Variants in CIBAR2 observed in about 807,000 individuals in gnomAD.
The protein encoded by CIBAR2 is CBY1-interacting BAR domain-containing protein 2.
CIBAR2 carries 38 observed loss-of-function variants against 36.2 expected under a neutral mutation model. The ratio of observed to expected loss-of-function variants is 1.05; its 90% CI spans 0.81 to 1.38. The LOEUF (loss-of-function observed/expected upper bound fraction) is 1.38. Ranked by LOEUF, CIBAR2 falls within the 40% of genes most tolerant of loss-of-function variation. The pLI is 0.00. For synonymous variants in CIBAR2, 182 were observed against 149.5 expected (o/e 1.22, Z -1.58); for missense variants, 481 against 383.4 (o/e 1.25, Z -2.13).
At chr16:85,112,217 A>AC in intron 1 of CIBAR2, 116 bp downstream of exon 1, 18 of 790,972 alleles carry the variant, frequency 2.3e-5, no homozygotes, top group Admixed American at 3.9e-5. Flanking sequence ...AGCTCCCCTC[A>AC]CCCCCAACCC....
rs142569932 is a variant in CIBAR2, at chr16:85,099,481, G to A, written c.754-135C>T. The A allele has an allele frequency of 3.8e-3, 2,431 of 636,804 alleles. 7 individuals carry two copies. Among genetic ancestry groups the A allele is most frequent in the Non-Finnish European group, 5.3e-3 (1,912 of 357,500 alleles). 39.4% of individuals were successfully genotyped at this position (636,804 alleles called of 1,614,324 possible). On this transcript the variant is annotated intron_variant, in intron 8 of 8. Transcript: ENST00000539556. ...AACCCGCGGGCCCACGGGCTGGGATGGAGGTGTGGACCTGACTGGGGGCCT... is the reference window on the plus strand; with the variant it reads ...AACCCGCGGGCCCACGGGCTGGGATAGAGGTGTGGACCTGACTGGGGGCCT...
In CIBAR2 at chr16:85,108,017, G is replaced by T; in HGVS notation, c.324+14C>A. The T allele has an allele frequency of 6.2e-7, 1 of 1,613,920 alleles. No homozygotes were observed. The highest frequency in any genetic ancestry group is 8.5e-7 in the Non-Finnish European group (1 of 1,179,814). ...AGACAGGGATGCCACCCACACCGAG[G>T]TGCCCCGGCTCACCCGTGTCTGCTT... On this transcript the variant is annotated intron_variant, in intron 3 of 8. Coordinates refer to ENST00000539556, the MANE Select transcript of CIBAR2 (RefSeq NM_198491.3).
At chr16:85,107,489 GC>G (rs543019688) in intron 5 of CIBAR2, among the ~76,000 whole-genome samples, 177 bp downstream of exon 5, 375 of 152,298 alleles carry the variant, frequency 2.5e-3, no homozygotes, top group African/African-American at 8.6e-3. Context: ...ATGGGACAGA[GC>G]CCAGGTCTCC....
Position 85,107,950 on chromosome 16 carries a change from G to C in CIBAR2, c.325-3C>G. 6.2e-7 allele frequency: 1 copy of C among 1,613,728 alleles called. No individual in the cohort carries two copies. The highest frequency in any genetic ancestry group is 8.5e-7 in the Non-Finnish European group (1 of 1,179,672). ...TGTTTGAATTTCTTGATCTCAGCCTGCAGAAAAGGAGGAGGGTTGTTTCCT... is the reference window on the plus strand; with the variant it reads ...TGTTTGAATTTCTTGATCTCAGCCTCCAGAAAAGGAGGAGGGTTGTTTCCT... On this transcript the variant is annotated splice_polypyrimidine_tract_variant and splice_region_variant and intron_variant, in intron 3 of 8. Transcript: ENST00000539556.
chr16:85,110,144 G>T (rs1464290565), intron 2 of CIBAR2, 82 bp downstream of exon 2: 16 of 1,074,476 alleles, frequency 1.5e-5, no homozygotes, highest in Non-Finnish European at 2.0e-5. Context: ...CCACAGCAGG[G>T]CTCCTGCAGC....
intron 2 of CIBAR2, among the ~76,000 whole-genome samples, chr16:85,108,970 G>A (rs1230776089): frequency 2.0e-5 from 3 of 152,166 alleles, no homozygotes; most frequent in South Asian, 2.1e-4. Flanking sequence ...CTGTGAACGC[G>A]TAGACATCAA....
At chr16:85,100,785 C>T (rs1314740181) in intron 7 of CIBAR2, among the ~76,000 whole-genome samples, 3 of 152,206 alleles carry the variant, frequency 2.0e-5, no homozygotes, top group Non-Finnish European at 4.4e-5. Context: ...CGGTGGCTCA[C>T]ACCTGTAATC....
At position 85,108,055 on chromosome 16, in the gene CIBAR2, G is replaced by C; in HGVS notation, c.300C>G (p.Tyr100Ter). 6.2e-7 allele frequency: 1 copy of C among 1,613,404 alleles called. No individual in the cohort carries two copies. Among genetic ancestry groups the C allele is most frequent in the South Asian group, 1.1e-5 (1 of 91,038 alleles). Residue 100 changes from tyrosine (Y) to a stop codon, truncating the protein, a stop_gained, in exon 3 of 9, where the codon TAC (tyrosine) becomes TAG (stop). Transcript: ENST00000539556. LOFTEE classifies it high-confidence loss of function. ...ETKVVNPLKLYGAQIKQTRAE... is the reference protein window; with the variant it reads ...ETKVVNPLKL ...CCCGTGTCTGCTTGATCTGTGCCCC[G>C]TAGAGCTTCAGGGGGTTGACCACCT...
At chr16:85,102,402 A>G in intron 6 of CIBAR2, 75 bp from the exon 7 acceptor site, 2 of 892,052 alleles carry the variant, frequency 2.2e-6, no homozygotes, top group Non-Finnish European at 3.8e-6. Context: ...ATGCAGGCAG[A>G]TGGGGTGGGG....
intron 7 of CIBAR2, among the ~76,000 whole-genome samples, chr16:85,101,582 G>T (rs942857123): frequency 3.9e-5 from 6 of 152,090 alleles, no homozygotes; most frequent in Admixed American, 1.3e-4. Context: ...ATCAGAAGGG[G>T]ATAAAAAGCA....
At chr16:85,107,508 C>G (rs770959567) in intron 5 of CIBAR2, among the ~76,000 whole-genome samples, 159 bp downstream of exon 5, 2 of 152,204 alleles carry the variant, frequency 1.3e-5, no homozygotes, top group African/African-American at 4.8e-5. Flanking sequence ...TCCAGACCCC[C>G]AGAGCCCCTT....
In CIBAR2 at chr16:85,098,931, AATAG is replaced by A. The variant is rs958502500; in HGVS notation, c.*250_*253del. The A allele has an allele frequency of 5.3e-6, 2 of 377,734 alleles. No homozygotes were observed. The highest frequency in any genetic ancestry group is 4.5e-6 in the Non-Finnish European group (1 of 224,164). 23.4% of individuals were successfully genotyped at this position (377,734 alleles called of 1,614,324 possible). On this transcript the variant is annotated 3_prime_UTR_variant, in exon 9 of 9. Transcript: ENST00000539556. ...CGGGAGCAGTGGGCTCGGACCAAGA[AATAG>A]ATAGCATAAAGAAAAACAATCAAAA... is the stretch of plus-strand genomic sequence containing the variant.
At chr16:85,109,731 T>C (rs1001662944) in intron 2 of CIBAR2, among the ~76,000 whole-genome samples, 3 of 152,218 alleles carry the variant, frequency 2.0e-5, no homozygotes, top group African/African-American at 7.2e-5. Context: ...ACTCCTGGGC[T>C]CAGACAGTCT....
At chr16:85,108,842 T>A (rs547163554) in intron 2 of CIBAR2, among the ~76,000 whole-genome samples, 1 of 152,246 alleles carries the variant, frequency 6.6e-6, no homozygotes, top group Admixed American at 6.5e-5. Context: ...GACACTTCAC[T>A]CTAGCCTGGG....
chr16:85,099,798 T>TC (rs373602817), intron 8 of CIBAR2, among the ~76,000 whole-genome samples: 77 of 15,198 alleles, frequency 5.1e-3, no homozygotes, highest in African/African-American at 0.049. Flanking sequence ...TAATTTTTGC[T>TC]TTTTTTTTTT....
At chr16:85,106,738 G>C (rs554177842) in intron 5 of CIBAR2, among the ~76,000 whole-genome samples, 70 of 152,306 alleles carry the variant, frequency 4.6e-4, no homozygotes, top group African/African-American at 1.7e-3. Context: ...GTGAGAGTCC[G>C]TCGTCATTTT....
intron 2 of CIBAR2, among the ~76,000 whole-genome samples, chr16:85,109,970 AG>A (rs754289815): frequency 1.3e-5 from 2 of 152,090 alleles, no homozygotes; most frequent in Non-Finnish European, 2.9e-5. Flanking sequence ...GGGTTCATGG[AG>A]CCCCCAGGGC....
intron 7 of CIBAR2, 143 bp from the exon 8 acceptor site, chr16:85,100,383 C>T: frequency 1.8e-6 from 1 of 556,260 alleles, no homozygotes. Context: ...CAGGAGCTTC[C>T]TGTTTCTTAT....
intron 1 of CIBAR2, among the ~76,000 whole-genome samples, chr16:85,111,041 C>T (rs576822853): frequency 6.6e-6 from 1 of 152,076 alleles, no homozygotes; most frequent in Non-Finnish European, 1.5e-5. Context: ...CCGGCGCCCC[C>T]CTGCAGCAGG....
Sources: allele counts gnomAD v4.1 joint callset (sites outside exome capture counted in the v4.1 genomes callset), GRCh38; gene constraint gnomAD v4.1.1; transcripts MANE v1.5; gene names NCBI Gene and HGNC (gene_info 2026-07-23, HGNC 2026-07-21).